Variants in PCDH9 observed in about 807,000 individuals in gnomAD.
PCDH9 encodes protocadherin 9.
Under a neutral mutation model 70.6 loss-of-function variants are expected in PCDH9, and 24 were observed. That is an observed-to-expected ratio of 0.34 (90% CI 0.25 to 0.48). The LOEUF (loss-of-function observed/expected upper bound fraction) is 0.48, where lower values mean the gene tolerates loss of function less well. PCDH9 is among the 20% of genes least tolerant of loss of function. PCDH9 has a pLI of 0.99. For synonymous variants in PCDH9, 562 were observed against 558.5 expected, an observed-to-expected ratio of 1.01 and a Z score of -0.09; for missense variants, 1,281 against 1,503.6, an observed-to-expected ratio of 0.85 and a Z score of 2.45.
At chr13:67,125,013 T>C (rs1310342952) in intron 2 of PCDH9, among the ~76,000 whole-genome samples, 3 of 152,166 alleles carry the variant, frequency 2.0e-5, no homozygotes, top group Non-Finnish European at 4.4e-5. Context: ...TAGGAAGATG[T>C]TGGGCTTGGA....
rs190559613 is a variant in PCDH9 at position 66,884,559 on chromosome 13, T to C, written c.3138+18945A>G. Reference sequence around the variant, plus strand: ...AAGGAGCAGAAGGTAAAAGGAAAAATAGCATAAGAAAAGGATTCCAAAGCA... The same window carrying C: ...AAGGAGCAGAAGGTAAAAGGAAAAACAGCATAAGAAAAGGATTCCAAAGCA... On this transcript the variant is annotated intron_variant, in intron 3 of 4. Coordinates refer to ENST00000377865, the MANE Select transcript of PCDH9 (RefSeq NM_203487.3). 4.6e-5 allele frequency among the ~76,000 whole-genome samples: 7 copies of C among 152,250 alleles called. No individual in the cohort carries two copies. In the East Asian group the frequency reaches 1.4e-3, roughly 29 times the overall value.
intron 3 of PCDH9, among the ~76,000 whole-genome samples, chr13:66,768,969 A>C (rs2079761147): frequency 6.6e-6 from 1 of 152,128 alleles, no homozygotes. Context: ...GATTATGCAA[A>C]AGATCAAAGG....
intron 2 of PCDH9, chr13:67,222,442 G>C (rs1403367001): frequency 6.6e-6 from 1 of 152,042 alleles, no homozygotes; most frequent in East Asian, 1.9e-4. Context: ...GTTCTTTGCA[G>C]GTTAACACAA....
intron 4 of PCDH9, among the ~76,000 whole-genome samples, chr13:66,485,736 A>T (rs1326469361): frequency 2.6e-5 from 4 of 151,580 alleles, no homozygotes; most frequent in African/African-American, 4.8e-5. Flanking sequence ...TTATTTATTT[A>T]TTTTTTATTT....
chr13:66,492,735 G>T (rs879297688), intron 4 of PCDH9, among the ~76,000 whole-genome samples: 31 of 152,000 alleles, frequency 2.0e-4, no homozygotes, highest in Non-Finnish European at 2.1e-4. Context: ...TGACTAAGAT[G>T]CAACCTTTTG....
chr13:67,145,967 G>T (rs1858529086), intron 2 of PCDH9, among the ~76,000 whole-genome samples: 1 of 151,984 alleles, frequency 6.6e-6, no homozygotes, highest in South Asian at 2.1e-4. Context: ...TCTATAATCA[G>T]AAAGTCCTTT....
chr13:66,793,691 A>G (rs2080196207), intron 3 of PCDH9, among the ~76,000 whole-genome samples: 1 of 152,192 alleles, frequency 6.6e-6, no homozygotes, highest in Non-Finnish European at 1.5e-5. Context: ...AGGGGAGGAA[A>G]AAAGAGTATA....
chr13:66,744,221 T>C (rs563808309), intron 3 of PCDH9, among the ~76,000 whole-genome samples: 3 of 152,328 alleles, frequency 2.0e-5, no homozygotes, highest in South Asian at 2.1e-4. Flanking sequence ...TATTATTTTG[T>C]ATTAATCAAT....
At chr13:67,059,821 C>T (rs1156430552) in intron 2 of PCDH9, among the ~76,000 whole-genome samples, 4 of 151,772 alleles carry the variant, frequency 2.6e-5, no homozygotes, top group South Asian at 2.1e-4. Flanking sequence ...ACTGCCTTAA[C>T]GGCATCCATA....
chr13:66,618,703 A>G (rs2077387890), intron 4 of PCDH9, among the ~76,000 whole-genome samples: 1 of 152,164 alleles, frequency 6.6e-6, no homozygotes, highest in Non-Finnish European at 1.5e-5. Flanking sequence ...ATATCTATTT[A>G]TCTATCATTT....
intron 2 of PCDH9, among the ~76,000 whole-genome samples, chr13:67,055,258 T>G (rs1336907570): frequency 6.6e-6 from 1 of 152,216 alleles, no homozygotes; most frequent in African/African-American, 2.4e-5. Context: ...TAATAGATCC[T>G]ATAGGACACA....
chr13:67,039,529 C>A (rs2085071817), intron 2 of PCDH9, among the ~76,000 whole-genome samples: 1 of 152,070 alleles, frequency 6.6e-6, no homozygotes, highest in African/African-American at 2.4e-5. Context: ...TTCCTCTTGT[C>A]TTCTTACCAG....
chr13:66,934,845 C>T (rs1189936330), intron 2 of PCDH9, among the ~76,000 whole-genome samples: 5 of 142,888 alleles, frequency 3.5e-5, no homozygotes, highest in Admixed American at 7.0e-5. Context: ...CTCAGCCTCC[C>T]GAGTAGCTGG....
intron 3 of PCDH9, among the ~76,000 whole-genome samples, chr13:66,833,743 T>C (rs958763003): frequency 2.6e-5 from 4 of 152,230 alleles, no homozygotes; most frequent in African/African-American, 9.6e-5. Context: ...AATCAAATGT[T>C]TGCAGAATAG....
intron 3 of PCDH9, among the ~76,000 whole-genome samples, chr13:66,709,645 G>C (rs768971843): frequency 4.1e-4 from 62 of 152,152 alleles, no homozygotes; most frequent in Non-Finnish European, 1.2e-4. Flanking sequence ...CTGACAAACT[G>C]TGTTGAGTCA....
chr13:66,992,447 C>G (rs375188743), intron 2 of PCDH9, among the ~76,000 whole-genome samples: 1 of 152,168 alleles, frequency 6.6e-6, no homozygotes, highest in Non-Finnish European at 1.5e-5. Flanking sequence ...AGTGCACCAG[C>G]CTGACTCCAT....
chr13:66,486,251 G>T (rs554704680), intron 4 of PCDH9, among the ~76,000 whole-genome samples: 2 of 151,704 alleles, frequency 1.3e-5, no homozygotes, highest in East Asian at 3.9e-4. Flanking sequence ...AGACCAGACT[G>T]GGCAACATGG....
intron 4 of PCDH9, among the ~76,000 whole-genome samples, chr13:66,351,346 A>G (rs527241739): frequency 6.6e-6 from 1 of 152,282 alleles, no homozygotes; most frequent in East Asian, 1.9e-4. Context: ...TCATGCCGGA[A>G]GTCTCCTACT....
rs143187254 is a variant in PCDH9 at position 66,884,187 on chromosome 13, C to T, written c.3138+19317G>A. Among the ~76,000 whole-genome samples, 1,218 of 152,180 alleles carry T rather than the reference C, an allele frequency of 8.0e-3. 16 individuals are homozygous for T. The highest frequency in any genetic ancestry group is 0.027 in the African/African-American group (1,134 of 41,542). ...TGCTGGGATTACAGGCATGAGCCAC[C>T]GTGCCTGGCCACTTTAAGCGTTCTT... On this transcript the variant is annotated intron_variant, in intron 3 of 4. Transcript: ENST00000377865.
Sources: gnomAD v4.1 joint callset for allele counts (sites outside exome capture counted in the v4.1 genomes callset) on GRCh38, gnomAD v4.1.1 for gene constraint, MANE v1.5 for transcripts, NCBI Gene and HGNC (gene_info 2026-07-23, HGNC 2026-07-21) for gene names.